The following PGGT1B variants were observed in gnomAD, a reference collection of about 807,000 sequenced individuals.
PGGT1B encodes geranylgeranyl transferase type-1 subunit beta.
Under a neutral mutation model 46.1 loss-of-function variants are expected in PGGT1B, and 30 were observed. The ratio of observed to expected loss-of-function variants is 0.65; its 90% CI spans 0.49 to 0.88. The LOEUF (loss-of-function observed/expected upper bound fraction) is 0.88. Ranked by LOEUF, PGGT1B falls within the 40% of genes least tolerant of loss-of-function variation. PGGT1B has a pLI of 0.00. For synonymous variants in PGGT1B, 170 were observed against 160.0 expected (o/e 1.06, Z -0.47); for missense variants, 376 against 455.9 (o/e 0.82, Z 1.60).
In PGGT1B at chr5:115,244,292, C is replaced by T. The variant is rs1053661075; in HGVS notation, c.260-2686G>A. ...CATCCTGGCTAACACAGTGAAACCCCGTCTCTACTAAAAATACAAAAAATT... is the reference window on the plus strand; with the variant it reads ...CATCCTGGCTAACACAGTGAAACCCTGTCTCTACTAAAAATACAAAAAATT... On this transcript the variant is annotated intron_variant, in intron 2 of 8. Transcript: ENST00000419445. 6.3e-4 allele frequency among the ~76,000 whole-genome samples: 96 copies of T among 151,344 alleles called. 1 individual carries two copies. The highest frequency in any genetic ancestry group is 2.3e-3 in the African/African-American group (94 of 41,254).
In PGGT1B at chr5:115,262,841, G is replaced by C. The variant is rs1450661357; in HGVS notation, c.11C>G (p.Thr4Ser). Residue 4 changes from threonine (T) to serine (S), a missense_variant, in exon 1 of 9, where the codon ACT becomes AGT. Physicochemically the swap from Thr to Ser is moderately conservative, Grantham distance 58. This residue lies in a region of PGGT1B where 154 missense variants were observed against 142.3 expected (regional missense o/e 1.08). Transcript: ENST00000419445. The part of the protein sequence containing the change: MAA[T>S]EDERLAGSGE... ...GCTCCCTGCTAGCCTCTCATCCTCA[G>C]TGGCCGCCATGCTGCTCCGGAAGCG... 2 of 1,612,140 alleles carry C rather than the reference G, an allele frequency of 1.2e-6. No individual in the cohort carries two copies. The highest frequency in any genetic ancestry group is 1.7e-6 in the Non-Finnish European group (2 of 1,179,896).
In PGGT1B at chr5:115,256,145, T is replaced by C. The variant is rs1046217804; in HGVS notation, c.141-2890A>G. Reference sequence around the variant, plus strand: ...ACACTGACCCTAACATAATATATCATAATCAAACATTCTTGGTTGTCACAG... The same window carrying C: ...ACACTGACCCTAACATAATATATCACAATCAAACATTCTTGGTTGTCACAG... On this transcript the variant is annotated intron_variant, in intron 1 of 8. Coordinates refer to ENST00000419445, the MANE Select transcript of PGGT1B (RefSeq NM_005023.4). Among the ~76,000 whole-genome samples the C allele has an allele frequency of 6.6e-5, 10 of 152,302 alleles. 1 individual carries two copies. The highest frequency in any genetic ancestry group is 6.8e-3 in the Middle Eastern group (2 of 294).
rs1430749209 is a variant in PGGT1B at position 115,204,956 on chromosome 5, A to G, written c.*7446T>C. On this transcript the variant is annotated 3_prime_UTR_variant, in exon 9 of 9. Transcript: ENST00000419445. ...TAGAAAAAAGATACTCTGTAACAGA[A>G]TCTCATTTGTGGGTGTTCTAGTGTG... The G allele has an allele frequency of 6.6e-6, 1 of 152,186 alleles. No homozygotes were observed. The highest frequency in any genetic ancestry group is 2.1e-4 in the South Asian group (1 of 4,828). The allele number at this position is 152,186 out of a possible 1,614,324, so 9.4% of individuals were successfully genotyped here.
intron 2 of PGGT1B, among the ~76,000 whole-genome samples, chr5:115,243,101 G>A (rs762059399): frequency 1.3e-4 from 20 of 151,656 alleles, no homozygotes; most frequent in Non-Finnish European, 2.8e-4. Flanking sequence ...ATATCCTTTT[G>A]ACCCAGTCAA....
In PGGT1B at chr5:115,241,555, G is replaced by A. The variant is rs1025569556; in HGVS notation, c.311C>T (p.Pro104Leu). 9 of 1,605,234 alleles carry A rather than the reference G, an allele frequency of 5.6e-6. 1 individual carries two copies. The highest frequency in any genetic ancestry group is 3.3e-5 in the South Asian group (3 of 90,064). The part of the protein sequence containing the change: ...GFRGSSYLGI[P>L]FNPSKAPGTA... ...AGAACCAACCTTTGATGGATTGAACGGAATACCCAGGTATGAAGAGCCTCG... is the reference window on the plus strand; with the variant it reads ...AGAACCAACCTTTGATGGATTGAACAGAATACCCAGGTATGAAGAGCCTCG... The change falls in exon 3 of 9, where the codon CCG (proline) becomes CTG (leucine). Residue 104 changes from proline to leucine, a missense_variant. Around this residue, in one of 2 missense-constraint regions of PGGT1B, gnomAD observed 154 missense variants for 142.3 expected, o/e 1.08. Transcript: ENST00000419445.
At chr5:115,235,796 G>C (rs17137556) in intron 5 of PGGT1B, among the ~76,000 whole-genome samples, 2,047 of 152,052 alleles carry the variant, frequency 0.013, 47 homozygotes, top group African/African-American at 0.046. Flanking sequence ...GAACTCACAG[G>C]CATTTTCATT....
intron 8 of PGGT1B, among the ~76,000 whole-genome samples, chr5:115,213,539 G>A (rs1756309169): frequency 1.3e-5 from 2 of 152,160 alleles, no homozygotes; most frequent in South Asian, 4.1e-4. Context: ...GGGAGGCCGA[G>A]AAGGGCATAT....
In PGGT1B at chr5:115,236,536, C is replaced by A; in HGVS notation, c.480-14G>T. 1 of 1,506,872 alleles carries A rather than the reference C, an allele frequency of 6.6e-7. No individual in the cohort carries two copies. Among genetic ancestry groups the A allele is most frequent in the Non-Finnish European group, 8.8e-7 (1 of 1,132,422 alleles). The allele number at this position is 1,506,872 out of a possible 1,614,324, so 93.3% of individuals were successfully genotyped here. On this transcript the variant is annotated splice_polypyrimidine_tract_variant and intron_variant, in intron 4 of 8. Transcript: ENST00000419445. ...ACTGCACAAAAACTGAAAATAATAA[C>A]AACAATATGATTTTCTATTAACACT...
intron 7 of PGGT1B, among the ~76,000 whole-genome samples, chr5:115,220,585 A>G (rs1272968056): frequency 6.6e-6 from 1 of 151,952 alleles, no homozygotes; most frequent in African/African-American, 2.4e-5. Context: ...ACAAATGTTT[A>G]AACTGTTAGT....
intron 2 of PGGT1B, among the ~76,000 whole-genome samples, chr5:115,247,409 T>C (rs905005539): frequency 6.6e-6 from 1 of 152,194 alleles, no homozygotes; most frequent in African/African-American, 2.4e-5. Flanking sequence ...GCTTCTTAAA[T>C]ATATTTCAAA....
At chr5:115,254,651 A>T (rs1437227984) in intron 1 of PGGT1B, among the ~76,000 whole-genome samples, 1 of 151,670 alleles carries the variant, frequency 6.6e-6, no homozygotes. Context: ...TGGTGGAAAA[A>T]GACTAGCAGC....
At chr5:115,250,373 G>C (rs1015594947) in intron 2 of PGGT1B, among the ~76,000 whole-genome samples, 2 of 152,188 alleles carry the variant, frequency 1.3e-5, no homozygotes, top group Admixed American at 6.5e-5. Context: ...AGTTGGAGAA[G>C]GGGCAGGTGA....
intron 2 of PGGT1B, among the ~76,000 whole-genome samples, chr5:115,248,530 TC>T (rs1400548077): frequency 6.6e-6 from 1 of 152,176 alleles, no homozygotes; most frequent in Non-Finnish European, 1.5e-5. Context: ...CCCGAATACT[TC>T]CCTCCTGAAG....
chr5:115,212,353 G>T lies in PGGT1B; in HGVS notation c.*49C>A. 2 of 1,607,140 alleles carry T rather than the reference G, an allele frequency of 1.2e-6. No homozygotes were observed. Among genetic ancestry groups the T allele is most frequent in the Non-Finnish European group, 1.7e-6 (2 of 1,176,716 alleles). ...TTGGTTATACATGGCTTTTAAACTTGAGCTACAGTTATGCTACAAATCCCC... is the reference window on the plus strand; with the variant it reads ...TTGGTTATACATGGCTTTTAAACTTTAGCTACAGTTATGCTACAAATCCCC... On this transcript the variant is annotated 3_prime_UTR_variant, in exon 9 of 9. Coordinates refer to ENST00000419445, the MANE Select transcript of PGGT1B (RefSeq NM_005023.4).
intron 6 of PGGT1B, among the ~76,000 whole-genome samples, chr5:115,227,399 A>G (rs1344711962): frequency 6.6e-6 from 1 of 152,196 alleles, no homozygotes; most frequent in African/African-American, 2.4e-5. Flanking sequence ...GGTTATGGTT[A>G]GAGGAGGTAA....
Position 115,206,147 on chromosome 5 carries a change from G to C in PGGT1B, c.*6255C>G, listed in dbSNP as rs184961036. 94 of 151,790 alleles carry C rather than the reference G, an allele frequency of 6.2e-4. No homozygotes were observed. The highest frequency in any genetic ancestry group is 2.1e-3 in the African/African-American group (86 of 41,472). 9.4% of individuals were successfully genotyped at this position (151,790 alleles called of 1,614,324 possible). Reference sequence around the variant, plus strand: ...TACATACATATATCTATTTGTATAAGTATATATTGTATTGGGATGAGTAAT... The same window carrying C: ...TACATACATATATCTATTTGTATAACTATATATTGTATTGGGATGAGTAAT... On this transcript the variant is annotated 3_prime_UTR_variant, in exon 9 of 9. Transcript: ENST00000419445.
At chr5:115,222,103 CT>C (rs1398152059) in intron 6 of PGGT1B, 95 bp from the exon 7 acceptor site, 7 of 613,172 alleles carry the variant, frequency 1.1e-5, no homozygotes, top group Non-Finnish European at 1.8e-5. Context: ...TTATATAATT[CT>C]AGAAAATAGT....
intron 8 of PGGT1B, among the ~76,000 whole-genome samples, chr5:115,214,427 C>A (rs1451066929): frequency 6.6e-6 from 1 of 152,106 alleles, no homozygotes. Flanking sequence ...AAAGGTTATT[C>A]TTTTGAAGTT....
intron 6 of PGGT1B, among the ~76,000 whole-genome samples, chr5:115,222,985 G>A (rs1292647721): frequency 2.6e-5 from 4 of 152,116 alleles, no homozygotes; most frequent in Non-Finnish European, 5.9e-5. Context: ...GGAGGAGTGG[G>A]GAAGGATAGC....
Sources: allele counts gnomAD v4.1 joint callset (sites outside exome capture counted in the v4.1 genomes callset), GRCh38; gene constraint gnomAD v4.1.1; regional missense constraint gnomAD v4.1.1; transcripts MANE v1.5; gene names NCBI Gene and HGNC (gene_info 2026-07-23, HGNC 2026-07-21).